The following VPS13B variants were observed in gnomAD, a reference collection of about 807,000 sequenced individuals.
VPS13B encodes intermembrane lipid transfer protein VPS13B.
Under a neutral mutation model 426.4 loss-of-function variants are expected in VPS13B, and 285 were observed. The observed-to-expected ratio is 0.67, with a 90% CI of 0.61 to 0.74. The LOEUF (loss-of-function observed/expected upper bound fraction) is 0.74, where lower values mean the gene tolerates loss of function less well. VPS13B is among the 30% of genes least tolerant of loss of function. VPS13B has a pLI of 0.00. For synonymous variants in VPS13B, 1,676 were observed against 1,676.4 expected, an observed-to-expected ratio of 1.00 and a Z score of 0.01; for missense variants, 4,537 against 4,782.6, an observed-to-expected ratio of 0.95 and a Z score of 1.51.
intron 51 of VPS13B, among the ~76,000 whole-genome samples, chr8:99,828,031 C>T (rs933638585): frequency 1.3e-5 from 2 of 152,110 alleles, no homozygotes; most frequent in African/African-American, 4.8e-5. Context: ...CTAGGTGGTT[C>T]TGAGAAGAAT....
At chr8:99,454,150 T>A (rs1037822939) in intron 23 of VPS13B, among the ~76,000 whole-genome samples, 3 of 152,190 alleles carry the variant, frequency 2.0e-5, no homozygotes, top group Non-Finnish European at 4.4e-5. Flanking sequence ...CATAGTAATA[T>A]GCATTTTTGC....
chr8:99,589,857 G>A (rs1439844237), intron 33 of VPS13B, among the ~76,000 whole-genome samples: 1 of 152,164 alleles, frequency 6.6e-6, no homozygotes, highest in Non-Finnish European at 1.5e-5. Flanking sequence ...CTCATAAAAT[G>A]AGTTAGGGAG....
At chr8:99,251,867 G>A (rs1356323056) in intron 17 of VPS13B, among the ~76,000 whole-genome samples, 1 of 151,832 alleles carries the variant, frequency 6.6e-6, no homozygotes, top group Admixed American at 6.6e-5. Flanking sequence ...AATTTTGTGT[G>A]TAGAGTTGCT....
intron 3 of VPS13B, among the ~76,000 whole-genome samples, chr8:99,072,338 GT>G (rs1036669282): frequency 2.6e-5 from 4 of 152,156 alleles, no homozygotes; most frequent in African/African-American, 9.7e-5. Context: ...AAGGTAGTGG[GT>G]TTTCTTCTGG....
chr8:99,415,488 G>A (rs1407866123), intron 21 of VPS13B, among the ~76,000 whole-genome samples: 1 of 152,024 alleles, frequency 6.6e-6, no homozygotes, highest in Non-Finnish European at 1.5e-5. Flanking sequence ...TGGATAAGAG[G>A]CATTCTGGAT....
intron 22 of VPS13B, among the ~76,000 whole-genome samples, chr8:99,436,523 A>C (rs41391644): frequency 0.022 from 3,320 of 152,208 alleles, 130 homozygotes; most frequent in African/African-American, 0.076. Flanking sequence ...AGTTAACATA[A>C]TCATTGCAGT....
At chr8:99,082,047 A>G (rs1476925679) in intron 3 of VPS13B, among the ~76,000 whole-genome samples, 3 of 152,206 alleles carry the variant, frequency 2.0e-5, no homozygotes, top group African/African-American at 7.2e-5. Context: ...ACTGACTTCT[A>G]CAGTGGTTGA....
At chr8:99,174,969 T>C (rs1344121676) in intron 16 of VPS13B, among the ~76,000 whole-genome samples, 1 of 152,224 alleles carries the variant, frequency 6.6e-6, no homozygotes, top group Non-Finnish European at 1.5e-5. Context: ...TTTATTATTT[T>C]TTATGTTTCA....
intron 21 of VPS13B, among the ~76,000 whole-genome samples, chr8:99,423,269 T>G (rs542623218): frequency 1.3e-5 from 2 of 152,072 alleles, no homozygotes; most frequent in African/African-American, 4.8e-5. Flanking sequence ...GTGAATTTTT[T>G]TTTTTTTGAA....
intron 9 of VPS13B, 38 bp from the exon 10 acceptor site, chr8:99,134,977 T>C: frequency 6.2e-7 from 1 of 1,611,994 alleles, no homozygotes; most frequent in Non-Finnish European, 8.5e-7. Context: ...TTTTATTAAA[T>C]TCAATTCTTA....
intron 52 of VPS13B, among the ~76,000 whole-genome samples, chr8:99,833,355 A>T (rs1042010248): frequency 2.0e-5 from 3 of 152,260 alleles, no homozygotes; most frequent in African/African-American, 7.2e-5. Flanking sequence ...CAGCTACAAA[A>T]GAAAACATAT....
At chr8:99,856,739 G>T (rs958266197) in intron 56 of VPS13B, among the ~76,000 whole-genome samples, 1 of 152,170 alleles carries the variant, frequency 6.6e-6, no homozygotes, top group African/African-American at 2.4e-5. Context: ...TACTTGGGAG[G>T]CTGAGGCAGG....
chr8:99,675,149 T>C (rs1232065983), intron 35 of VPS13B, among the ~76,000 whole-genome samples: 2 of 152,128 alleles, frequency 1.3e-5, no homozygotes, highest in Non-Finnish European at 2.9e-5. Context: ...TCAGCTTTTG[T>C]TTGTCCAGGA....
chr8:99,859,828 C>G (rs918944132), intron 57 of VPS13B, among the ~76,000 whole-genome samples: 5 of 152,036 alleles, frequency 3.3e-5, no homozygotes, highest in African/African-American at 1.2e-4. Flanking sequence ...ACTGTGTTGC[C>G]TCATCATATT....
At chr8:99,129,417 A>G (rs1809628868) in intron 8 of VPS13B, among the ~76,000 whole-genome samples, 2 of 151,830 alleles carry the variant, frequency 1.3e-5, no homozygotes, top group South Asian at 4.2e-4. Context: ...TAAATAAATA[A>G]ATTAGCAGGG....
chr8:99,104,286 T>C (rs1224954776), intron 5 of VPS13B, among the ~76,000 whole-genome samples: 1 of 152,212 alleles, frequency 6.6e-6, no homozygotes, highest in African/African-American at 2.4e-5. Flanking sequence ...TATAATCTTA[T>C]GGGACAGCCA....
chr8:99,067,909 A>G (rs1431498234), intron 3 of VPS13B, among the ~76,000 whole-genome samples: 1 of 152,200 alleles, frequency 6.6e-6, no homozygotes, highest in Non-Finnish European at 1.5e-5. Context: ...ATGTGATTAT[A>G]AGATATTTCC....
intron 23 of VPS13B, among the ~76,000 whole-genome samples, chr8:99,443,928 C>A (rs1305675951): frequency 2.0e-5 from 3 of 152,002 alleles, no homozygotes; most frequent in Admixed American, 2.0e-4. Flanking sequence ...TTTTATAATA[C>A]CACATTATGT....
At chr8:99,100,294 A>T (rs9297288) in intron 4 of VPS13B, among the ~76,000 whole-genome samples, 114,883 of 151,298 alleles carry the variant, frequency 0.76, 44,078 homozygotes, top group Middle Eastern at 0.84. Flanking sequence ...AAGAAAAAAA[A>T]ATATATATAT....
Sources: allele counts gnomAD v4.1 joint callset (sites outside exome capture counted in the v4.1 genomes callset), GRCh38; gene constraint gnomAD v4.1.1; transcripts MANE v1.5; gene names NCBI Gene and HGNC (gene_info 2026-07-23, HGNC 2026-07-21).